PTPRM: variants seen among roughly 807,000 people sequenced by gnomAD.
PTPRM encodes receptor-type tyrosine-protein phosphatase mu.
Under a neutral mutation model 186.7 loss-of-function variants are expected in PTPRM, and 47 were observed. That is an observed-to-expected ratio of 0.25 (90% CI 0.20 to 0.32). The LOEUF (loss-of-function observed/expected upper bound fraction) is 0.32, where lower values mean the gene tolerates loss of function less well. PTPRM is among the 10% of genes least tolerant of loss of function. The pLI is 1.00. For missense variants in PTPRM, 1,494 were observed against 1,865.0 expected, an observed-to-expected ratio of 0.80 and a Z score of 3.66; for synonymous variants, 668 against 674.9, an observed-to-expected ratio of 0.99 and a Z score of 0.16.
chr18:7,654,097 T>C (rs935901701), intron 1 of PTPRM, among the ~76,000 whole-genome samples: 2 of 152,236 alleles, frequency 1.3e-5, no homozygotes, highest in African/African-American at 4.8e-5. Context: ...CATATGCTTG[T>C]TGGCCATATG....
At chr18:8,125,209 CAAAA>C (rs11315965) in intron 13 of PTPRM, among the ~76,000 whole-genome samples, 5 of 134,714 alleles carry the variant, frequency 3.7e-5, no homozygotes, top group Non-Finnish European at 4.8e-5. Flanking sequence ...GACTCTGTCT[CAAAA>C]AAAAAAAAAA....
intron 19 of PTPRM, among the ~76,000 whole-genome samples, chr18:8,257,296 C>T (rs551932846): frequency 5.9e-5 from 9 of 152,254 alleles, no homozygotes; most frequent in South Asian, 2.1e-4. Flanking sequence ...AGTCCCAGGA[C>T]GGGCTGGTCT....
At chr18:7,581,871 A>G (rs893228247) in intron 1 of PTPRM, among the ~76,000 whole-genome samples, 7 of 151,996 alleles carry the variant, frequency 4.6e-5, no homozygotes, top group African/African-American at 1.7e-4. Context: ...TGTTGCCCAG[A>G]CTAGTCTCAA....
chr18:7,754,578 G>A (rs2041377348), intron 1 of PTPRM, among the ~76,000 whole-genome samples: 1 of 152,190 alleles, frequency 6.6e-6, no homozygotes, highest in South Asian at 2.1e-4. Context: ...TAATTGCCAA[G>A]CAGTCATGCC....
chr18:7,919,564 G>A (rs1219700125), intron 4 of PTPRM, among the ~76,000 whole-genome samples: 1 of 152,032 alleles, frequency 6.6e-6, no homozygotes, highest in Non-Finnish European at 1.5e-5. Flanking sequence ...ATTCCATTGA[G>A]GTCAGAAAAG....
intron 1 of PTPRM, among the ~76,000 whole-genome samples, chr18:7,628,835 C>T (rs906740184): frequency 6.6e-6 from 1 of 152,150 alleles, no homozygotes; most frequent in East Asian, 1.9e-4. Context: ...GTGTACTTTC[C>T]GTGCATGCTT....
chr18:7,799,358 G>A (rs1568147030), intron 2 of PTPRM, among the ~76,000 whole-genome samples: 2 of 152,174 alleles, frequency 1.3e-5, no homozygotes, highest in African/African-American at 4.8e-5. Flanking sequence ...TATCAACTTA[G>A]AAGTTCTAAT....
chr18:8,119,894 T>C (rs1178432746), intron 13 of PTPRM, among the ~76,000 whole-genome samples: 1 of 152,182 alleles, frequency 6.6e-6, no homozygotes, highest in Non-Finnish European at 1.5e-5. Context: ...TTTTATACTT[T>C]GAAGACAATA....
Position 8,202,724 on chromosome 18 carries a change from A to G in PTPRM, c.2301-41334A>G, listed in dbSNP as rs563545487. Among the ~76,000 whole-genome samples, 35 of 152,162 alleles carry G rather than the reference A, an allele frequency of 2.3e-4. No homozygotes were observed. In the South Asian group the frequency reaches 7.3e-3, roughly 32 times the overall value. ...ATCGCAGCTTTTTATTTCTTTACAG[A>G]TCAAGACCATCATCCTTTTAAGCAT... On this transcript the variant is annotated intron_variant, in intron 14 of 32. Coordinates refer to ENST00000580170, the MANE Select transcript of PTPRM (RefSeq NM_001105244.2).
chr18:7,898,189 A>T (rs373393985), intron 3 of PTPRM, among the ~76,000 whole-genome samples: 1 of 152,212 alleles, frequency 6.6e-6, no homozygotes. Flanking sequence ...CACAAACAAG[A>T]TAAAGTTTTT....
intron 31 of PTPRM, among the ~76,000 whole-genome samples, chr18:8,389,083 G>A (rs74348639): frequency 0.034 from 5,168 of 152,220 alleles, 133 homozygotes; most frequent in East Asian, 0.091. Context: ...AGAGGCTCAC[G>A]CTGAGATGAT....
intron 19 of PTPRM, among the ~76,000 whole-genome samples, chr18:8,272,995 T>G (rs2094791175): frequency 6.6e-6 from 1 of 152,212 alleles, no homozygotes; most frequent in African/African-American, 2.4e-5. Context: ...TTACAGTTTA[T>G]TTTGTCTAAT....
intron 12 of PTPRM, 30 bp from the exon 13 acceptor site, chr18:8,114,761 A>G: frequency 6.4e-7 from 1 of 1,570,872 alleles, no homozygotes; most frequent in African/African-American, 1.4e-5. Context: ...AACATGAATA[A>G]TGATTTTTCC....
chr18:8,355,541 A>G (rs2095559049), intron 23 of PTPRM, among the ~76,000 whole-genome samples: 1 of 152,084 alleles, frequency 6.6e-6, no homozygotes, highest in African/African-American at 2.4e-5. Context: ...AGAGAGCCCC[A>G]AAGGATTTGG....
intron 1 of PTPRM, among the ~76,000 whole-genome samples, chr18:7,759,763 T>C (rs1036458808): frequency 1.3e-5 from 2 of 152,188 alleles, no homozygotes; most frequent in African/African-American, 4.8e-5. Context: ...CATTTTCATA[T>C]TATGTTCTTT....
intron 3 of PTPRM, among the ~76,000 whole-genome samples, chr18:7,903,472 T>G (rs970795078): frequency 5.9e-5 from 9 of 152,208 alleles, no homozygotes; most frequent in African/African-American, 2.2e-4. Flanking sequence ...TGAGGGGACC[T>G]GTTTTGAGGG....
intron 1 of PTPRM, among the ~76,000 whole-genome samples, chr18:7,642,454 A>G (rs1199515576): frequency 6.6e-6 from 1 of 152,204 alleles, no homozygotes; most frequent in Non-Finnish European, 1.5e-5. Flanking sequence ...TAGCCTGTCA[A>G]CAGCTGGATG....
chr18:8,304,883 T>G (rs2095204339), intron 20 of PTPRM, among the ~76,000 whole-genome samples: 1 of 151,990 alleles, frequency 6.6e-6, no homozygotes, highest in African/African-American at 2.4e-5. Flanking sequence ...CTCTTTCTAA[T>G]TACAAAGATA....
chr18:8,166,343 C>A (rs985474599), intron 14 of PTPRM, among the ~76,000 whole-genome samples: 3 of 152,128 alleles, frequency 2.0e-5, no homozygotes, highest in Non-Finnish European at 4.4e-5. Flanking sequence ...TAATTGAAGT[C>A]ACCTTGAAGA....
Sources: gnomAD v4.1 joint callset for allele counts (sites outside exome capture counted in the v4.1 genomes callset) on GRCh38, gnomAD v4.1.1 for gene constraint, MANE v1.5 for transcripts, NCBI Gene and HGNC (gene_info 2026-07-23, HGNC 2026-07-21) for gene names.